Variants in DNAH9 observed in about 807,000 individuals in gnomAD.
The protein encoded by DNAH9 is dynein axonemal heavy chain 9.
A neutral mutation model predicts 471.6 loss-of-function variants in DNAH9; 345 were observed. The ratio of observed to expected loss-of-function variants is 0.73; its 90% CI spans 0.67 to 0.80. The LOEUF is 0.80. Among genes scored for constraint, DNAH9 ranks in the 30% least tolerant of loss-of-function variants. DNAH9 has a pLI of 0.00. For synonymous variants in DNAH9, 2,093 were observed against 2,123.6 expected (o/e 0.99, Z 0.40); for missense variants, 5,407 against 5,609.2 (o/e 0.96, Z 1.15).
intron 63 of DNAH9, 101 bp downstream of exon 63, chr17:11,930,194 T>C (rs1160193060): frequency 3.8e-6 from 4 of 1,059,236 alleles, no homozygotes; most frequent in Non-Finnish European, 5.6e-6. Flanking sequence ...AGTCGGGTGC[T>C]GGTTGGGCTA....
intron 66 of DNAH9, 53 bp from the exon 67 acceptor site, chr17:11,942,250 C>T (rs1974944055): frequency 4.4e-6 from 7 of 1,579,588 alleles, no homozygotes; most frequent in Non-Finnish European, 5.2e-6. Flanking sequence ...AAAATGGATT[C>T]CTTCTGGAGA....
At chr17:11,669,032 T>C (rs1043283276) in intron 15 of DNAH9, 32 bp from the exon 16 acceptor site, 9 of 1,504,616 alleles carry the variant, frequency 6.0e-6, no homozygotes, top group African/African-American at 1.4e-5. Context: ...ATCCACTCTT[T>C]GTTTTGTTTG....
At chr17:11,815,654 T>C (rs1268996429) in intron 45 of DNAH9, among the ~76,000 whole-genome samples, 1 of 152,090 alleles carries the variant, frequency 6.6e-6, no homozygotes, top group African/African-American at 2.4e-5. Flanking sequence ...CGGGGCTTGA[T>C]GGAGCGCACC....
At chr17:11,907,192 C>T (rs374247073) in intron 61 of DNAH9, among the ~76,000 whole-genome samples, 49 of 152,044 alleles carry the variant, frequency 3.2e-4, no homozygotes, top group African/African-American at 1.1e-3. Flanking sequence ...CTGTCCTGGC[C>T]GGGCACGGTG....
chr17:11,702,106 G>C (rs2074611704), intron 24 of DNAH9, among the ~76,000 whole-genome samples: 1 of 152,198 alleles, frequency 6.6e-6, no homozygotes, highest in African/African-American at 2.4e-5. Context: ...GAGTTAGCAA[G>C]TTAAAAATGG....
rs1338872171 is a variant in DNAH9, at chr17:11,756,785, A to G, written c.6847+109A>G. The G allele has an allele frequency of 7.0e-6, 5 of 717,168 alleles. No homozygotes were observed. In the East Asian group the frequency reaches 1.2e-4, roughly 18 times the overall value. The allele number at this position is 717,168 out of a possible 1,614,324, so 44.4% of individuals were successfully genotyped here. ...AAGGAATCTCCACATGGGAGCCAGA[A>G]GCCTCACGTGCAGTTTTGTGAATTT... On this transcript the variant is annotated intron_variant, in intron 34 of 68. Coordinates refer to ENST00000262442, the MANE Select transcript of DNAH9 (RefSeq NM_001372.4).
At chr17:11,791,881 G>T (rs1282210248) in intron 41 of DNAH9, among the ~76,000 whole-genome samples, 1 of 152,078 alleles carries the variant, frequency 6.6e-6, no homozygotes, top group African/African-American at 2.4e-5. Flanking sequence ...ATATGAGTAT[G>T]GCAAGCAAAG....
chr17:11,669,061 C>T lies in DNAH9; in HGVS notation c.2732-3C>T, dbSNP rs1316692281. The T allele has an allele frequency of 1.9e-6, 3 of 1,595,194 alleles. No homozygotes were observed. The highest frequency in any genetic ancestry group is 1.1e-5 in the South Asian group (1 of 88,914). ...TTGTTTGCTTGTTTTCTGTGTTTTT[C>T]AGAGTGTAAGGCAGGACTTACCCCA... On this transcript the variant is annotated splice_region_variant and splice_polypyrimidine_tract_variant and intron_variant, in intron 15 of 68. Coordinates refer to ENST00000262442, the MANE Select transcript of DNAH9 (RefSeq NM_001372.4).
chr17:11,911,573 G>A (rs1973794546), intron 61 of DNAH9, among the ~76,000 whole-genome samples: 1 of 151,990 alleles, frequency 6.6e-6, no homozygotes, highest in Non-Finnish European at 1.5e-5. Flanking sequence ...GTCATCTTAT[G>A]TTTCATATAA....
chr17:11,847,050 G>A (rs977607484), intron 49 of DNAH9, among the ~76,000 whole-genome samples: 2 of 152,062 alleles, frequency 1.3e-5, no homozygotes, highest in Non-Finnish European at 2.9e-5. Context: ...TGTTGAATAG[G>A]ATTTAATGAG....
At position 11,651,225 on chromosome 17, in the gene DNAH9, ACT is replaced by A. The variant is rs1027632300; in HGVS notation, c.2257_2258del (p.Leu753AlafsTer16). 2 of 1,613,778 alleles carry A rather than the reference ACT, an allele frequency of 1.2e-6. No individual in the cohort carries two copies. The highest frequency in any genetic ancestry group is 1.1e-5 in the South Asian group (1 of 91,062). On this transcript the variant is annotated frameshift_variant, in exon 13 of 69. Transcript: ENST00000262442. LOFTEE classifies it high-confidence loss of function. Reference sequence around the variant, plus strand: ...AAATTGGTACAACAAGGTTATGAAAACTCTGCTGGAGGTGGAATTTCCATTAG... The same window carrying A: ...AAATTGGTACAACAAGGTTATGAAAACTGCTGGAGGTGGAATTTCCATTAG... The part of the protein sequence containing the change: ...MANWYNKVMK[T>X]LLEVEFPLVE...
At chr17:11,891,596 C>T (rs1382648991) in intron 57 of DNAH9, among the ~76,000 whole-genome samples, 181 bp from the exon 58 acceptor site, 2 of 149,040 alleles carry the variant, frequency 1.3e-5, no homozygotes, top group Admixed American at 6.9e-5. Flanking sequence ...AACTCCCGAC[C>T]TTAGGTGATC....
chr17:11,854,420 A>G lies in DNAH9; in HGVS notation c.9925A>G (p.Lys3309Glu), dbSNP rs1385228430. The G allele has an allele frequency of 6.2e-7, 1 of 1,611,782 alleles. No homozygotes were observed. Among genetic ancestry groups the G allele is most frequent in the South Asian group, 1.1e-5 (1 of 90,878 alleles). ...GGAGAAGCTGGCTGCCATCAAAGCC[A>G]AGATCGCTGTGAGTGACCCCAGAGC... ...AQEKLAAIKA[K>E]IAHLNENLAK... Residue 3309 changes from lysine to glutamate, a missense_variant, in exon 50 of 69, where the codon AAG (lysine) becomes GAG (glutamate). Around this residue, in one of 3 missense-constraint regions of DNAH9, gnomAD observed 4,636 missense variants for 4,900.3 expected, o/e 0.95. Transcript: ENST00000262442.
intron 43 of DNAH9, among the ~76,000 whole-genome samples, chr17:11,806,170 A>G (rs886725131): frequency 1.3e-5 from 2 of 152,112 alleles, no homozygotes; most frequent in African/African-American, 2.4e-5. Flanking sequence ...TCCTAATTCA[A>G]CTAACACATC....
Position 11,951,780 on chromosome 17 carries a change from G to A in DNAH9, c.12843+9295G>A, listed in dbSNP as rs145697556. On this transcript the variant is annotated intron_variant, in intron 67 of 68. Transcript: ENST00000262442. ...TCTACTAAATATACAAAACTCAGCC[G>A]GGCTTGGTGGCAGCTGCCTGTAATC... is the stretch of plus-strand genomic sequence containing the variant. Among the ~76,000 whole-genome samples, 1,120 of 151,998 alleles carry A rather than the reference G, an allele frequency of 7.4e-3. 15 individuals are homozygous for A. Among genetic ancestry groups the A allele is most frequent in the African/African-American group, 0.026 (1,073 of 41,450 alleles).
At chr17:11,882,886 G>C in intron 55 of DNAH9, 3 of 967,350 alleles carry the variant, frequency 3.1e-6, no homozygotes, top group Non-Finnish European at 3.7e-6. Context: ...TGGTCTTAAG[G>C]CAGGATCAAG....
chr17:11,749,063 GGTTTTTTTTTGTTTT>G (rs1244610623), intron 32 of DNAH9, among the ~76,000 whole-genome samples: 1 of 25,592 alleles, frequency 3.9e-5, no homozygotes, highest in Admixed American at 5.4e-4. Context: ...TTTTTAAGAG[GGTTTTTTTTTGTTTT>G]TTTTTTTGTT....
Position 11,969,449 on chromosome 17 carries a change from G to C in DNAH9, c.13383G>C (p.Val4461=), listed in dbSNP as rs368674579. 6.2e-7 allele frequency: 1 copy of C among 1,613,828 alleles called. No individual in the cohort carries two copies. Among genetic ancestry groups the C allele is most frequent in the African/African-American group, 1.3e-5 (1 of 74,864 alleles). ...YKTSQRGPTY[V]WTFNLKTKEN... ...CTAGTCAGCGGGGACCCACCTACGT[G>C]TGGACTTTCAACCTGAAGACTAAGG... Residue 4461 remains valine (V), a synonymous_variant, in exon 69 of 69, where the codon GTG becomes GTC. Transcript: ENST00000262442.
At chr17:11,753,304 T>C (rs910426512) in intron 33 of DNAH9, among the ~76,000 whole-genome samples, 1 of 152,214 alleles carries the variant, frequency 6.6e-6, no homozygotes, top group Admixed American at 6.5e-5. Context: ...AGAATAAGGA[T>C]ATTGAAGATC....
Sources: gnomAD v4.1 joint callset for allele counts (sites outside exome capture counted in the v4.1 genomes callset) on GRCh38, gnomAD v4.1.1 for gene constraint, gnomAD v4.1.1 regional missense constraint, MANE v1.5 for transcripts, NCBI Gene and HGNC (gene_info 2026-07-23, HGNC 2026-07-21) for gene names.